PARD3: variants seen among roughly 807,000 people sequenced by gnomAD.
The protein encoded by PARD3 is partitioning defective 3 homolog.
A neutral mutation model predicts 155.4 loss-of-function variants in PARD3; 75 were observed. The ratio of observed to expected loss-of-function variants is 0.48; its 90% CI spans 0.40 to 0.58. The LOEUF (loss-of-function observed/expected upper bound fraction) is 0.58, where lower values mean the gene tolerates loss of function less well. Among genes scored for constraint, PARD3 ranks in the 20% least tolerant of loss-of-function variants. The pLI is 0.00. For synonymous variants in PARD3, 576 were observed against 610.5 expected, an observed-to-expected ratio of 0.94 and a Z score of 0.83; for missense variants, 1,642 against 1,721.7, an observed-to-expected ratio of 0.95 and a Z score of 0.82.
intron 3 of PARD3, among the ~76,000 whole-genome samples, chr10:34,494,745 A>G (rs953491122): frequency 1.3e-5 from 2 of 152,212 alleles, no homozygotes; most frequent in Admixed American, 6.5e-5. Context: ...AGATATGTTA[A>G]GTCCTGATAT....
In PARD3 at chr10:34,426,979, C is replaced by T. The variant is rs1018868587; in HGVS notation, c.714+23338G>A. On this transcript the variant is annotated intron_variant, in intron 5 of 24. Coordinates refer to ENST00000374788, the MANE Select transcript of PARD3 (RefSeq NM_001184785.2). ...AGATTTCATGGACATTTATCACTTC[C>T]CCAATCAATACTCTTGTGATTTCCT... Among the ~76,000 whole-genome samples, 4 of 152,166 alleles carry T rather than the reference C, an allele frequency of 2.6e-5. No individual in the cohort carries two copies. The East Asian group carries it at 7.7e-4, about 29-fold the overall frequency.
intron 22 of PARD3, among the ~76,000 whole-genome samples, chr10:34,261,780 GAAA>G (rs751946906): frequency 2.1e-5 from 1 of 47,576 alleles, no homozygotes; most frequent in Non-Finnish European, 5.1e-5. Flanking sequence ...AAGAAAGAAA[GAAA>G]AGAAAGAAAG....
At chr10:34,366,382 A>T (rs1378903805) in intron 12 of PARD3, among the ~76,000 whole-genome samples, 1 of 152,202 alleles carries the variant, frequency 6.6e-6, no homozygotes, top group Admixed American at 6.5e-5. Context: ...GGTTAGGTGT[A>T]TAAATGCATT....
chr10:34,539,856 G>T (rs910933002), intron 2 of PARD3, among the ~76,000 whole-genome samples: 1 of 152,198 alleles, frequency 6.6e-6, no homozygotes, highest in Non-Finnish European at 1.5e-5. Flanking sequence ...GTACACCAAA[G>T]AAATTGGCAA....
At chr10:34,377,573 G>A (rs1314405396) in intron 10 of PARD3, among the ~76,000 whole-genome samples, 1 of 152,074 alleles carries the variant, frequency 6.6e-6, no homozygotes, top group Non-Finnish European at 1.5e-5. Flanking sequence ...CTGGGCGACA[G>A]AGCGAGACTC....
At chr10:34,648,168 T>C (rs533968592) in intron 2 of PARD3, among the ~76,000 whole-genome samples, 1 of 152,354 alleles carries the variant, frequency 6.6e-6, no homozygotes, top group African/African-American at 2.4e-5. Context: ...AAAATGCATA[T>C]GTGAACCCCA....
intron 3 of PARD3, among the ~76,000 whole-genome samples, chr10:34,492,781 G>A (rs1243066891): frequency 6.6e-6 from 1 of 152,158 alleles, no homozygotes; most frequent in African/African-American, 2.4e-5. Context: ...GAAATCATCT[G>A]TATTTTCTTC....
At chr10:34,415,355 G>A (rs1457117916) in intron 5 of PARD3, among the ~76,000 whole-genome samples, 1 of 152,088 alleles carries the variant, frequency 6.6e-6, no homozygotes, top group African/African-American at 2.4e-5. Context: ...TAGTACTTGA[G>A]TACCATTAGA....
intron 2 of PARD3, among the ~76,000 whole-genome samples, chr10:34,640,583 G>A (rs113377236): frequency 1.5e-4 from 23 of 150,958 alleles, no homozygotes; most frequent in East Asian, 5.8e-4. Flanking sequence ...GGTGGCATGC[G>A]CCTATAGTCC....
intron 20 of PARD3, among the ~76,000 whole-genome samples, chr10:34,298,899 C>T (rs1353503939): frequency 1.3e-5 from 2 of 152,170 alleles, no homozygotes; most frequent in Non-Finnish European, 2.9e-5. Flanking sequence ...GAAAATAAAA[C>T]TCTGGCTTGT....
chr10:34,198,643 T>C (rs1951066497), intron 22 of PARD3, among the ~76,000 whole-genome samples: 2 of 152,202 alleles, frequency 1.3e-5, no homozygotes, highest in African/African-American at 4.8e-5. Context: ...AAAATTATTC[T>C]ATTTTGATAG....
intron 22 of PARD3, among the ~76,000 whole-genome samples, chr10:34,244,325 T>A (rs1217039324): frequency 3.3e-5 from 5 of 152,174 alleles, no homozygotes; most frequent in African/African-American, 1.2e-4. Flanking sequence ...CAGGAAACAT[T>A]TAAAGGAAAT....
intron 3 of PARD3, among the ~76,000 whole-genome samples, chr10:34,495,163 C>T (rs1244427922): frequency 6.8e-6 from 1 of 147,666 alleles, no homozygotes; most frequent in Non-Finnish European, 1.5e-5. Flanking sequence ...TACCCATAAA[C>T]AAAAAAAGCA....
At chr10:34,757,781 C>G (rs1348566288) in intron 1 of PARD3, among the ~76,000 whole-genome samples, 1 of 152,168 alleles carries the variant, frequency 6.6e-6, no homozygotes, top group Admixed American at 6.5e-5. Context: ...GGACCATGCC[C>G]AGGATTCTGG....
At chr10:34,265,489 C>T (rs1955256163) in intron 22 of PARD3, among the ~76,000 whole-genome samples, 1 of 152,140 alleles carries the variant, frequency 6.6e-6, no homozygotes, top group African/African-American at 2.4e-5. Flanking sequence ...GCAGGCTACA[C>T]ATCAGACTGT....
intron 2 of PARD3, among the ~76,000 whole-genome samples, chr10:34,560,657 G>C (rs1274538958): frequency 1.3e-5 from 2 of 152,182 alleles, no homozygotes; most frequent in African/African-American, 4.8e-5. Context: ...TAAAATTCCA[G>C]AGAGACAAAG....
At chr10:34,728,756 A>T (rs1469565892) in intron 1 of PARD3, among the ~76,000 whole-genome samples, 1 of 152,140 alleles carries the variant, frequency 6.6e-6, no homozygotes. Flanking sequence ...AAAAGTCCAA[A>T]TTTTCAGGAG....
intron 1 of PARD3, among the ~76,000 whole-genome samples, chr10:34,784,788 C>A (rs1392623816): frequency 6.6e-6 from 1 of 152,150 alleles, no homozygotes; most frequent in African/African-American, 2.4e-5. Flanking sequence ...GTCTCTTCAT[C>A]CCTTCTCATC....
intron 22 of PARD3, among the ~76,000 whole-genome samples, chr10:34,213,517 C>T (rs1006532033): frequency 2.0e-5 from 3 of 152,224 alleles, no homozygotes; most frequent in Admixed American, 1.3e-4. Flanking sequence ...ATTTCATTCT[C>T]ACTTCTTACA....
Sources: allele counts gnomAD v4.1 joint callset (sites outside exome capture counted in the v4.1 genomes callset), GRCh38; gene constraint gnomAD v4.1.1; transcripts MANE v1.5; gene names NCBI Gene and HGNC (gene_info 2026-07-23, HGNC 2026-07-21).